HPS3: variants seen among roughly 807,000 people sequenced by gnomAD.
HPS3 encodes the protein HPS3 biogenesis of lysosomal organelles complex 2 subunit 1, also known as BLOC-2 complex member HPS3.
HPS3 carries 79 observed loss-of-function variants against 110.9 expected under a neutral mutation model. That is an observed-to-expected ratio of 0.71 (90% CI 0.59 to 0.86). The LOEUF is 0.86. Among genes scored for constraint, HPS3 ranks in the 40% least tolerant of loss-of-function variants. The pLI, the probability that HPS3 is intolerant of heterozygous loss-of-function variation, is 0.00. For synonymous variants in HPS3, 428 were observed against 451.0 expected, an observed-to-expected ratio of 0.95 and a Z score of 0.65; for missense variants, 1,197 against 1,206.2, an observed-to-expected ratio of 0.99 and a Z score of 0.11.
At chr3:149,142,791 T>G (rs1306363388) in intron 4 of HPS3, among the ~76,000 whole-genome samples, 1 of 152,150 alleles carries the variant, frequency 6.6e-6, no homozygotes, top group Non-Finnish European at 1.5e-5. Context: ...GACATTCGAA[T>G]AACGGCAGAT....
chr3:149,130,941 A>G (rs897185790), intron 1 of HPS3, among the ~76,000 whole-genome samples: 1 of 152,150 alleles, frequency 6.6e-6, no homozygotes, highest in Non-Finnish European at 1.5e-5. Context: ...TAATACACTT[A>G]CCTTCGATTC....
rs867410024 is a variant in HPS3 at position 149,129,763 on chromosome 3, C to G, written c.40C>G (p.Gln14Glu). The G allele has an allele frequency of 6.2e-7, 1 of 1,607,418 alleles. No homozygotes were observed. ...LYNLHPFGSQ[Q>E]VVPCKLEPDR... ...CAACCTGCACCCGTTCGGGTCGCAG[C>G]AGGTGGTGCCCTGCAAGCTGGAGCC... is the stretch of plus-strand genomic sequence containing the variant. Residue 14 changes from glutamine (Q) to glutamate (E), a missense_variant, in exon 1 of 17, where the codon CAG becomes GAG. Gln to Glu is a conservative substitution (Grantham distance 29). Transcript: ENST00000296051.
chr3:149,153,402 A>G (rs1576681489), intron 6 of HPS3, 92 bp from the exon 7 acceptor site: 1 of 1,122,452 alleles, frequency 8.9e-7, no homozygotes, highest in East Asian at 2.3e-5. Context: ...GTGGCAGCAG[A>G]AGAGATTTGA....
chr3:149,155,068 A>C (rs1184140368), intron 7 of HPS3, 39 bp from the exon 8 acceptor site: 1 of 985,872 alleles, frequency 1.0e-6, no homozygotes, highest in East Asian at 2.4e-5. Flanking sequence ...TTTATTAATA[A>C]TGTCATTTTA....
In HPS3 at chr3:149,133,791, TTTG is replaced by T. The variant is rs562808805; in HGVS notation, c.217+3854_217+3856del. ...TTTTTAGTTAAGGTATGTACATTGC[TTTG>T]TTTTTTTGTTTGTTTGTTTTTTAGG... On this transcript the variant is annotated intron_variant, in intron 1 of 16. Transcript: ENST00000296051. Among the ~76,000 whole-genome samples, 343 of 152,332 alleles carry T rather than the reference TTTG, an allele frequency of 2.3e-3. 2 individuals carry two copies. The highest frequency in any genetic ancestry group is 7.9e-3 in the African/African-American group (330 of 41,578).
chr3:149,159,910 TAAAAC>T, intron 10 of HPS3, 131 bp from the exon 11 acceptor site: 1 of 686,666 alleles, frequency 1.5e-6, no homozygotes, highest in Non-Finnish European at 2.6e-6. Flanking sequence ...TTTTTAAAAT[TAAAAC>T]ATAATACTAT....
chr3:149,165,530 G>A (rs777530481), intron 14 of HPS3, among the ~76,000 whole-genome samples: 17 of 151,846 alleles, frequency 1.1e-4, no homozygotes, highest in Non-Finnish European at 1.5e-5. Context: ...CCAGATTGGA[G>A]TGCAGTGGCA....
chr3:149,166,287 GTCTTAT>G (rs1724405786), intron 14 of HPS3, among the ~76,000 whole-genome samples: 1 of 152,144 alleles, frequency 6.6e-6, no homozygotes, highest in South Asian at 2.1e-4. Flanking sequence ...AATCACTTTA[GTCTTAT>G]TAAGTGTTAA....
At chr3:149,141,261 A>G in intron 3 of HPS3, 34 bp from the exon 4 acceptor site, 1 of 1,602,378 alleles carries the variant, frequency 6.2e-7, no homozygotes, top group Non-Finnish European at 8.5e-7. Flanking sequence ...TGGAAGTTAT[A>G]TTTTTCCCTT....
intron 6 of HPS3, 146 bp from the exon 7 acceptor site, chr3:149,153,348 T>C: frequency 1.4e-6 from 1 of 715,584 alleles, no homozygotes; most frequent in Non-Finnish European, 2.4e-6. Context: ...TGGGTTGGTC[T>C]TTTGTTTGTT....
In HPS3 at chr3:149,145,459, A is replaced by G. The variant is rs1722735363; in HGVS notation, c.1076A>G (p.Lys359Arg). The stretch of plus-strand genomic sequence containing the variant: ...GTGGGCTATCTCTACATGGTTGTCA[A>G]ATCTGTTGAATTGATGTCAGTCTAC... ...PHVGYLYMVV[K>R]SVELMSVYQY... The change falls in exon 5 of 17, where the codon AAA (lysine) becomes AGA (arginine). Residue 359 changes from lysine to arginine, a missense_variant. Physicochemically the swap from Lys to Arg is conservative, Grantham distance 26 (BLOSUM62 2). Coordinates refer to ENST00000296051, the MANE Select transcript of HPS3 (RefSeq NM_032383.5). 6.2e-7 allele frequency: 1 copy of G among 1,614,046 alleles called. No homozygotes were observed. The highest frequency in any genetic ancestry group is 8.5e-7 in the Non-Finnish European group (1 of 1,179,964).
At chr3:149,153,355 T>G (rs1723250676) in intron 6 of HPS3, 139 bp from the exon 7 acceptor site, 1 of 737,514 alleles carries the variant, frequency 1.4e-6, no homozygotes, top group African/African-American at 1.8e-5. Flanking sequence ...GTCTTTTGTT[T>G]GTTTGTTTGT....
chr3:149,151,588 A>C (rs73866979), intron 6 of HPS3, among the ~76,000 whole-genome samples: 1 of 71,928 alleles, frequency 1.4e-5, no homozygotes, highest in African/African-American at 8.2e-5. Context: ...CTTGGTTTCT[A>C]AAAAAAAAAA....
intron 1 of HPS3, among the ~76,000 whole-genome samples, chr3:149,134,020 C>T (rs765498648): frequency 1.3e-5 from 2 of 151,798 alleles, no homozygotes; most frequent in Non-Finnish European, 2.9e-5. Flanking sequence ...TATTTACTGT[C>T]ATTATTTATA....
At chr3:149,151,587 T>TA (rs1167453087) in intron 6 of HPS3, among the ~76,000 whole-genome samples, 4,126 of 40,254 alleles carry the variant, frequency 0.1, 693 homozygotes, top group Non-Finnish European at 0.11. Flanking sequence ...GCTTGGTTTC[T>TA]AAAAAAAAAA....
intron 1 of HPS3, among the ~76,000 whole-genome samples, chr3:149,139,124 T>A (rs539790577): frequency 3.9e-4 from 59 of 152,352 alleles, no homozygotes; most frequent in African/African-American, 1.3e-3. Flanking sequence ...ATTTGAATGC[T>A]TATCAGTAAG....
rs57192685 is a variant in HPS3 at position 149,167,279 on chromosome 3, G to A, written c.2796+39G>A. On this transcript the variant is annotated intron_variant, in intron 15 of 16. Transcript: ENST00000296051. ...GATTATGTTTTTAGGCTTGATCAGT[G>A]ATAATCAGATCTGATAACCTCATTT... The A allele has an allele frequency of 0.089, 133,008 of 1,498,886 alleles. 7,045 individuals carry two copies. The highest frequency in any genetic ancestry group is 0.23 in the African/African-American group (16,882 of 72,170). 92.8% of individuals were successfully genotyped at this position (1,498,886 alleles called of 1,614,324 possible).
At position 149,162,661 on chromosome 3, in the gene HPS3, A is replaced by C. The variant is rs750015055; in HGVS notation, c.2293-29A>C. ...TTTATCAGTGCTATATTTATCTGGAATATAGAGGCTCCTTTTACTGTTTTT... is the reference window on the plus strand; with the variant it reads ...TTTATCAGTGCTATATTTATCTGGACTATAGAGGCTCCTTTTACTGTTTTT... On this transcript the variant is annotated intron_variant, in intron 12 of 16. Coordinates refer to ENST00000296051, the MANE Select transcript of HPS3 (RefSeq NM_032383.5). The C allele has an allele frequency of 5.6e-6, 9 of 1,610,986 alleles. No individual in the cohort carries two copies. In the South Asian group the frequency reaches 9.9e-5, roughly 18 times the overall value.
At chr3:149,136,011 A>G (rs1343405470) in intron 1 of HPS3, among the ~76,000 whole-genome samples, 2 of 152,138 alleles carry the variant, frequency 1.3e-5, no homozygotes, top group Admixed American at 6.5e-5. Flanking sequence ...CATGTTTGTG[A>G]TCTTGCTACA....
Sources: gnomAD v4.1 joint callset for allele counts (sites outside exome capture counted in the v4.1 genomes callset) on GRCh38, gnomAD v4.1.1 for gene constraint, MANE v1.5 for transcripts, NCBI Gene and HGNC (gene_info 2026-07-23, HGNC 2026-07-21) for gene names.